The following SLC41A3 variants were observed in gnomAD, a reference collection of about 807,000 sequenced individuals.
SLC41A3 encodes SLC41A1-like 2.
A neutral mutation model predicts 45.4 loss-of-function variants in SLC41A3; 44 were observed. The ratio of observed to expected loss-of-function variants is 0.97; its 90% CI spans 0.76 to 1.25. The LOEUF (loss-of-function observed/expected upper bound fraction) is 1.25. SLC41A3 is among the 50% of genes most tolerant of loss of function. The pLI, the probability that SLC41A3 is intolerant of heterozygous loss-of-function variation, is 0.00. For missense variants in SLC41A3, 550 were observed against 600.6 expected, an observed-to-expected ratio of 0.92 and a Z score of 0.88; for synonymous variants, 256 against 252.4, an observed-to-expected ratio of 1.01 and a Z score of -0.13.
intron 6 of SLC41A3, among the ~76,000 whole-genome samples, chr3:126,018,762 T>G (rs1010710578): frequency 6.6e-6 from 1 of 152,200 alleles, no homozygotes; most frequent in African/African-American, 2.4e-5. Context: ...CAGGCCCCAC[T>G]CAACCTCCTA....
chr3:126,041,150 G>A (rs1942565218), intron 3 of SLC41A3, among the ~76,000 whole-genome samples: 1 of 152,076 alleles, frequency 6.6e-6, no homozygotes, highest in African/African-American at 2.4e-5. Context: ...GAGTGAATCA[G>A]TGAAAAATTA....
At chr3:126,093,702 C>G (rs1051165169) in intron 1 of SLC41A3, among the ~76,000 whole-genome samples, 4 of 152,140 alleles carry the variant, frequency 2.6e-5, no homozygotes, top group Non-Finnish European at 2.9e-5. Flanking sequence ...AAAGCAGAGC[C>G]AGGAGAGCAC....
At chr3:126,070,352 C>A (rs772451305) in intron 1 of SLC41A3, 1 of 152,228 alleles carries the variant, frequency 6.6e-6, no homozygotes, top group South Asian at 2.1e-4. Context: ...GAGCTCAAAC[C>A]GTATTGTGAA....
chr3:126,009,923 G>A (rs569407208), intron 9 of SLC41A3, among the ~76,000 whole-genome samples: 16 of 152,186 alleles, frequency 1.1e-4, no homozygotes, highest in Non-Finnish European at 1.9e-4. Flanking sequence ...AATATAACAC[G>A]GAGTCTGACT....
At chr3:126,062,310 T>C (rs1045382633) in intron 2 of SLC41A3, among the ~76,000 whole-genome samples, 1 of 152,218 alleles carries the variant, frequency 6.6e-6, no homozygotes, top group Non-Finnish European at 1.5e-5. Flanking sequence ...TTTGCTGCTA[T>C]AGACTTGGCT....
intron 3 of SLC41A3, among the ~76,000 whole-genome samples, chr3:126,043,876 C>CA (rs1242994207): frequency 6.8e-6 from 1 of 146,122 alleles, no homozygotes; most frequent in Non-Finnish European, 1.5e-5. Flanking sequence ...AAATAAGAGA[C>CA]AAAAAAGCTA....
Position 126,013,974 on chromosome 3 carries a change from G to T in SLC41A3, c.971-1225C>A, listed in dbSNP as rs368866775. Among the ~76,000 whole-genome samples, 12 of 152,262 alleles carry T rather than the reference G, an allele frequency of 7.9e-5. No individual in the cohort carries two copies. The East Asian group carries it at 2.1e-3, about 27-fold the overall frequency. On this transcript the variant is annotated intron_variant, in intron 8 of 10. Coordinates refer to ENST00000360370, the MANE Select transcript of SLC41A3 (RefSeq NM_017836.4). ...TGCTGAGACTCCGGGATCCCACAGG[G>T]TATGAAAAAGGTTTCAAGCTCTGCC...
chr3:126,053,031 G>A (rs1943442062), intron 2 of SLC41A3, among the ~76,000 whole-genome samples: 1 of 152,194 alleles, frequency 6.6e-6, no homozygotes, highest in Non-Finnish European at 1.5e-5. Flanking sequence ...ACTGGTCAGT[G>A]AGACCTGAGA....
chr3:126,024,611 G>T (rs1284854635), intron 5 of SLC41A3: 1 of 152,354 alleles, frequency 6.6e-6, no homozygotes, highest in African/African-American at 2.4e-5. Context: ...GTAGGAATGA[G>T]AATAGCCCAC....
upstream of SLC41A3, among the ~76,000 whole-genome samples, chr3:126,089,270 C>G (rs1945447275): frequency 6.6e-6 from 1 of 152,136 alleles, no homozygotes; most frequent in South Asian, 2.1e-4. Flanking sequence ...ATGCAGCTTG[C>G]TGCTAGGAAC....
At chr3:126,061,195 T>G (rs1944047927) in intron 2 of SLC41A3, among the ~76,000 whole-genome samples, 1 of 152,206 alleles carries the variant, frequency 6.6e-6, no homozygotes, top group Non-Finnish European at 1.5e-5. Flanking sequence ...CTTACAGGCA[T>G]GAATTCTTCC....
intron 2 of SLC41A3, among the ~76,000 whole-genome samples, chr3:126,063,954 C>CCA (rs1553742169): frequency 7.1e-6 from 1 of 140,554 alleles, no homozygotes; most frequent in South Asian, 2.4e-4. Context: ...ATCCAACCCC[C>CCA]CCCCGGGGAC....
rs1177997318 is a variant in SLC41A3 at position 126,059,257 on chromosome 3, A to AAGAAAGAAAGAAAGAAAGAGAG, written c.274-8208_274-8207insCTCTCTTTCTTTCTTTCTTTCT. On this transcript the variant is annotated intron_variant, in intron 2 of 10. Coordinates refer to ENST00000360370, the MANE Select transcript of SLC41A3 (RefSeq NM_017836.4). ...AGAGAAAGAAAGAAAGAAAGAAAGAAAGAAAGAAGAAAGAAAGAAAGAAAG... is the reference window on the plus strand; with the variant it reads ...AGAGAAAGAAAGAAAGAAAGAAAGAAAGAAAGAAAGAAAGAAAGAGAGAGAAAGAAGAAAGAAAGAAAGAAAG... Among the ~76,000 whole-genome samples the AAGAAAGAAAGAAAGAAAGAGAG allele has an allele frequency of 3.4e-3, 21 of 6,166 alleles. 1 individual carries two copies. Among genetic ancestry groups the AAGAAAGAAAGAAAGAAAGAGAG allele is most frequent in the Admixed American group, 4.6e-3 (2 of 434 alleles). 4.0% of individuals were successfully genotyped at this position (6,166 alleles called of 152,430 possible).
chr3:126,026,595 C>T lies in SLC41A3; in HGVS notation c.454-116G>A. On this transcript the variant is annotated intron_variant, in intron 4 of 10. Transcript: ENST00000360370. This position sits in a 1 kb window ranked among gnomAD's most constrained non-coding sequence, Gnocchi z 4.2. ...GGTGCCACATGCTACTGCCTCCTTT[C>T]CCTTACCCTAAAATCTCACAGGCCC... 1 of 1,326,286 alleles carries T rather than the reference C, an allele frequency of 7.5e-7. No individual in the cohort carries two copies. Among genetic ancestry groups the T allele is most frequent in the Non-Finnish European group, 1.0e-6 (1 of 970,524 alleles). The allele number at this position is 1,326,286 out of a possible 1,614,324, so 82.2% of individuals were successfully genotyped here. A position where few individuals can be genotyped will look rare whatever the true frequency, so the allele number is the denominator to read the frequency against.
At chr3:126,091,029 GCA>G (rs1334328623) in intron 1 of SLC41A3, among the ~76,000 whole-genome samples, 2 of 152,104 alleles carry the variant, frequency 1.3e-5, no homozygotes, top group Non-Finnish European at 2.9e-5. Flanking sequence ...GCCCAGATCA[GCA>G]CACACCTACA....
chr3:126,016,680 C>T (rs375529221), intron 7 of SLC41A3, 51 bp downstream of exon 7: 12 of 1,564,602 alleles, frequency 7.7e-6, no homozygotes, highest in African/African-American at 1.4e-5. Context: ...GTTCTAGGGG[C>T]CTTCATGGCT....
chr3:126,060,305 G>A, intron 2 of SLC41A3, among the ~76,000 whole-genome samples: 1 of 152,170 alleles, frequency 6.6e-6, no homozygotes, highest in East Asian at 1.9e-4. Context: ...TGTAATCCCA[G>A]CTACTCGGGA....
At chr3:126,048,531 C>A (rs1428202513) in intron 3 of SLC41A3, among the ~76,000 whole-genome samples, 1 of 152,186 alleles carries the variant, frequency 6.6e-6, no homozygotes, top group African/African-American at 2.4e-5. Context: ...AGAAGGCAAG[C>A]ATATCACTAA....
chr3:126,048,810 G>A (rs1943133136), intron 3 of SLC41A3, among the ~76,000 whole-genome samples: 1 of 152,096 alleles, frequency 6.6e-6, no homozygotes, highest in African/African-American at 2.4e-5. Context: ...GATGTTCTGT[G>A]TCTCAACTAG....
Sources: allele counts gnomAD v4.1 joint callset (sites outside exome capture counted in the v4.1 genomes callset), GRCh38; gene constraint gnomAD v4.1.1; non-coding constraint Gnocchi (gnomAD v3.1); transcripts MANE v1.5; gene names NCBI Gene and HGNC (gene_info 2026-07-23, HGNC 2026-07-21).